The following CRISPLD1 variants were observed in gnomAD, a reference collection of about 807,000 sequenced individuals.
CRISPLD1 encodes cysteine rich secretory protein LCCL domain containing 1.
Under a neutral mutation model 77.5 loss-of-function variants are expected in CRISPLD1, and 60 were observed. The ratio of observed to expected loss-of-function variants is 0.77; its 90% CI spans 0.63 to 0.96. CRISPLD1 has a LOEUF of 0.96. Ranked by LOEUF, CRISPLD1 falls within the 40% of genes least tolerant of loss-of-function variation. CRISPLD1 has a pLI of 0.00. For synonymous variants in CRISPLD1, 195 were observed against 200.1 expected (o/e 0.97, Z 0.22); for missense variants, 623 against 615.8 (o/e 1.01, Z -0.12).
Position 75,017,424 on chromosome 8 carries a change from C to T in CRISPLD1, c.1101C>T (p.Ser367=). The part of the protein sequence containing the change: ...RQGRKHYFIK[S]NRNGIQTIGK... ...GAAGAAAGCATTATTTCATCAAGTC[C>T]AATAGAAATGGTATTCAAACAATTG... The change falls in exon 10 of 15, where the codon TCC becomes TCT. Residue 367 remains serine, a synonymous_variant. Coordinates refer to ENST00000262207, the MANE Select transcript of CRISPLD1 (RefSeq NM_031461.6). 1 of 1,605,980 alleles carries T rather than the reference C, an allele frequency of 6.2e-7. No individual in the cohort carries two copies. Among genetic ancestry groups the T allele is most frequent in the Non-Finnish European group, 8.5e-7 (1 of 1,177,162 alleles).
intron 2 of CRISPLD1, among the ~76,000 whole-genome samples, chr8:75,008,045 GAAA>G (rs1812865256): frequency 1.3e-5 from 2 of 152,134 alleles, no homozygotes; most frequent in African/African-American, 2.4e-5. Flanking sequence ...CTTGAGATGA[GAAA>G]GCCTTCATGC....
intron 2 of CRISPLD1, among the ~76,000 whole-genome samples, chr8:75,011,328 A>T (rs531345831): frequency 8.1e-6 from 1 of 123,972 alleles, no homozygotes; most frequent in East Asian, 2.4e-4. Flanking sequence ...TCCTGTGTCC[A>T]TGTGTTCTCA....
intron 13 of CRISPLD1, among the ~76,000 whole-genome samples, chr8:75,028,883 C>T (rs1813281835): frequency 6.6e-6 from 1 of 151,946 alleles, no homozygotes; most frequent in South Asian, 2.1e-4. Flanking sequence ...AAAACTGCCC[C>T]ATTTCTTGTA....
intron 7 of CRISPLD1, 77 bp from the exon 8 acceptor site, chr8:75,016,804 T>C: frequency 6.5e-7 from 1 of 1,535,954 alleles, no homozygotes. Context: ...GGAAAAAATT[T>C]TGTCATTAGG....
chr8:74,989,080 G>A (rs1452539543), intron 2 of CRISPLD1, among the ~76,000 whole-genome samples: 2 of 152,070 alleles, frequency 1.3e-5, no homozygotes, highest in South Asian at 4.1e-4. Context: ...AACATGAATC[G>A]TAGGCAAGAG....
At chr8:74,994,723 A>G (rs1290695545) in intron 2 of CRISPLD1, among the ~76,000 whole-genome samples, 1 of 152,198 alleles carries the variant, frequency 6.6e-6, no homozygotes, top group Admixed American at 6.5e-5. Context: ...GAAACTGTCC[A>G]GTTTCTGCCC....
rs959278589 is a variant in CRISPLD1 at position 75,029,504 on chromosome 8, A to C, written c.1438A>C (p.Ile480Leu). The change falls in exon 14 of 15, where the codon ATC (isoleucine) becomes CTC (leucine). Residue 480 changes from isoleucine (I) to leucine (L), a missense_variant. Transcript: ENST00000262207. ...KTYIASFQNG[I>L]FSESLQNPPG... ...CTACATTGCTTCTTTTCAGAATGGA[A>C]TCTTCTCAGAAAGGTAAAAACAAAA... 9 of 1,613,620 alleles carry C rather than the reference A, an allele frequency of 5.6e-6. No homozygotes were observed. Among genetic ancestry groups the C allele is most frequent in the Non-Finnish European group, 7.6e-6 (9 of 1,179,628 alleles).
intron 2 of CRISPLD1, among the ~76,000 whole-genome samples, chr8:75,011,418 G>A (rs1812929199): frequency 6.6e-6 from 1 of 151,660 alleles, no homozygotes; most frequent in Non-Finnish European, 1.5e-5. Context: ...CACTTGGGTT[G>A]TGTCCTCAGG....
intron 2 of CRISPLD1, among the ~76,000 whole-genome samples, chr8:74,996,062 G>T (rs988143850): frequency 6.7e-6 from 1 of 148,726 alleles, no homozygotes; most frequent in Non-Finnish European, 1.5e-5. Context: ...ATATAAATAC[G>T]CATGTGTTTT....
intron 2 of CRISPLD1, among the ~76,000 whole-genome samples, chr8:75,001,561 A>G (rs1025690874): frequency 6.6e-6 from 1 of 152,052 alleles, no homozygotes; most frequent in Non-Finnish European, 1.5e-5. Flanking sequence ...AAAGCTTCTT[A>G]AAAGAGGTAT....
Position 75,032,180 on chromosome 8 carries a change from T to TC in CRISPLD1, c.1452-11_1452-10insC, listed in dbSNP as rs1813361474. 6.3e-7 allele frequency: 1 copy of TC among 1,589,098 alleles called. No homozygotes were observed. Among genetic ancestry groups the TC allele is most frequent in the East Asian group, 2.2e-5 (1 of 44,604 alleles). On this transcript the variant is annotated splice_polypyrimidine_tract_variant and intron_variant, in intron 14 of 14. Coordinates refer to ENST00000262207, the MANE Select transcript of CRISPLD1 (RefSeq NM_031461.6). ...ATCAATATACTTTTCATATATTTTT[T>TC]TTTTTTGCAGTTTACAGAATCCTCC... is the stretch of plus-strand genomic sequence containing the variant.
At chr8:75,009,473 G>C (rs1186998098) in intron 2 of CRISPLD1, among the ~76,000 whole-genome samples, 1 of 151,856 alleles carries the variant, frequency 6.6e-6, no homozygotes, top group Non-Finnish European at 1.5e-5. Context: ...TGGTGGAAAG[G>C]GTATTTTAAA....
rs577127011 is a variant in CRISPLD1 at position 75,010,631 on chromosome 8, C to G, written c.259-1802C>G. Among the ~76,000 whole-genome samples, 3 of 152,178 alleles carry G rather than the reference C, an allele frequency of 2.0e-5. No individual in the cohort carries two copies. In the East Asian group the frequency reaches 5.8e-4, roughly 29 times the overall value. On this transcript the variant is annotated intron_variant, in intron 2 of 14. Coordinates refer to ENST00000262207, the MANE Select transcript of CRISPLD1 (RefSeq NM_031461.6). ...GGTTTTCTGTCATTCACACTTGTTA[C>G]CCATTCTCTACTCCCAAAAATATCT... is the stretch of plus-strand genomic sequence containing the variant.
rs1813044097 is a variant in CRISPLD1 at position 75,017,078 on chromosome 8, A to G, written c.961A>G (p.Lys321Glu). ...YECPAGCLDSKAKVIGSVHYE... is the reference protein window; with the variant it reads ...YECPAGCLDSEAKVIGSVHYE... ...ATGTCCTGCTGGCTGTTTGGATAGT[A>G]AAGCTAAAGTTATTGGCAGTGTACA... The change falls in exon 9 of 15, where the codon AAA becomes GAA. Residue 321 changes from lysine (K) to glutamate (E), a missense_variant. Coordinates refer to ENST00000262207, the MANE Select transcript of CRISPLD1 (RefSeq NM_031461.6). The G allele has an allele frequency of 6.2e-7, 1 of 1,612,588 alleles. No homozygotes were observed. Among genetic ancestry groups the G allele is most frequent in the Admixed American group, 1.7e-5 (1 of 59,936 alleles).
chr8:74,985,364 C>G (rs1188282013), intron 1 of CRISPLD1, among the ~76,000 whole-genome samples: 1 of 152,032 alleles, frequency 6.6e-6, no homozygotes, highest in Non-Finnish European at 1.5e-5. Context: ...CACGGGGCCC[C>G]CTAGATGTAG....
At chr8:75,006,210 A>G (rs1812828410) in intron 2 of CRISPLD1, among the ~76,000 whole-genome samples, 1 of 152,172 alleles carries the variant, frequency 6.6e-6, no homozygotes, top group Admixed American at 6.6e-5. Context: ...TGCAATTTTA[A>G]AAGTCCATAT....
At chr8:75,025,420 G>C (rs1286560614) in intron 12 of CRISPLD1, 126 bp from the exon 13 acceptor site, 1 of 291,696 alleles carries the variant, frequency 3.4e-6, no homozygotes, top group Non-Finnish European at 6.1e-6. Context: ...CCTATTTCAG[G>C]AGAAAAAATG....
chr8:74,997,505 G>C (rs1812664410), intron 2 of CRISPLD1, among the ~76,000 whole-genome samples: 1 of 152,120 alleles, frequency 6.6e-6, no homozygotes, highest in South Asian at 2.1e-4. Flanking sequence ...TATGTTTAGT[G>C]GTCAGTTGAG....
intron 10 of CRISPLD1, among the ~76,000 whole-genome samples, chr8:75,017,913 T>C (rs1315105779): frequency 6.6e-6 from 1 of 152,208 alleles, no homozygotes; most frequent in African/African-American, 2.4e-5. Flanking sequence ...ATCTTTCTTT[T>C]GTCCATTTAA....
Sources: allele counts gnomAD v4.1 joint callset (sites outside exome capture counted in the v4.1 genomes callset), GRCh38; gene constraint gnomAD v4.1.1; transcripts MANE v1.5; gene names NCBI Gene and HGNC (gene_info 2026-07-23, HGNC 2026-07-21).